Variants in RPL39L observed in about 807,000 individuals in gnomAD.
The protein encoded by RPL39L is ribosomal protein eL39-like 2.
For missense variants in RPL39L, 48 were observed against 58.9 expected (o/e 0.81, Z 0.61); for synonymous variants, 16 against 20.1 (o/e 0.80, Z 0.55).
At position 187,130,450 on chromosome 3, in the gene RPL39L, C is replaced by T. The variant is rs188881635; in HGVS notation, c.-92-2388G>A. On this transcript the variant is annotated intron_variant, in intron 1 of 2. Transcript: ENST00000296277. ...ATCCTTTGTGGCTTGGTGCTGCCGT[C>T]GTGACAGTGAGTTCTTGTGAGTCTG... Among the ~76,000 whole-genome samples the T allele has an allele frequency of 6.1e-3, 921 of 152,190 alleles. 11 individuals are homozygous for T. Among genetic ancestry groups the T allele is most frequent in the African/African-American group, 0.021 (867 of 41,506 alleles).
At chr3:187,133,196 G>A (rs1284616356) in intron 1 of RPL39L, among the ~76,000 whole-genome samples, 1 of 151,994 alleles carries the variant, frequency 6.6e-6, no homozygotes, top group African/African-American at 2.4e-5. Flanking sequence ...ATCTATTAGG[G>A]GAAGATATGG....
In RPL39L at chr3:187,126,042, C is replaced by T. The variant is rs767719448; in HGVS notation, c.-29+1957G>A. Among the ~76,000 whole-genome samples the T allele has an allele frequency of 2.4e-4, 36 of 152,180 alleles. 1 individual carries two copies. Among genetic ancestry groups the T allele is most frequent in the Admixed American group, 3.3e-4 (5 of 15,282 alleles). ...TAAAATATTTTTAAATATGGAACTC[C>T]GGGAATCTTTTAACAAAAAAGTTTT... On this transcript the variant is annotated intron_variant, in intron 2 of 2. Transcript: ENST00000296277.
Position 187,121,081 on chromosome 3 carries a change from A to C in RPL39L, c.*64T>G. Reference sequence around the variant, plus strand: ...AGGTAGTGGTGACATTTTCAGCTTGATATCGTAAGATGATCGTGAACTTGA... The same window carrying C: ...AGGTAGTGGTGACATTTTCAGCTTGCTATCGTAAGATGATCGTGAACTTGA... On this transcript the variant is annotated 3_prime_UTR_variant, in exon 3 of 3. Coordinates refer to ENST00000296277, the MANE Select transcript of RPL39L (RefSeq NM_052969.3). 6.4e-7 allele frequency: 1 copy of C among 1,567,502 alleles called. No individual in the cohort carries two copies. The highest frequency in any genetic ancestry group is 8.8e-7 in the Non-Finnish European group (1 of 1,142,722).
At chr3:187,138,663 G>T (rs936370265) in intron 1 of RPL39L, among the ~76,000 whole-genome samples, 15 of 152,182 alleles carry the variant, frequency 9.9e-5, no homozygotes, top group African/African-American at 3.6e-4. Context: ...GCTGACATCT[G>T]AAGAGGTGGC....
At chr3:187,131,852 G>A (rs1720489474) in intron 1 of RPL39L, among the ~76,000 whole-genome samples, 1 of 152,136 alleles carries the variant, frequency 6.6e-6, no homozygotes, top group African/African-American at 2.4e-5. Flanking sequence ...TACAGTTGTT[G>A]AAATTATAAA....
chr3:187,124,362 A>G (rs1243216381), intron 2 of RPL39L, among the ~76,000 whole-genome samples: 1 of 152,214 alleles, frequency 6.6e-6, no homozygotes, highest in East Asian at 1.9e-4. Flanking sequence ...TAGCCTATGC[A>G]AAGGCGAAGT....
At chr3:187,130,728 C>T (rs1159696695) in intron 1 of RPL39L, among the ~76,000 whole-genome samples, 5 of 152,228 alleles carry the variant, frequency 3.3e-5, no homozygotes, top group Non-Finnish European at 7.3e-5. Flanking sequence ...TGGCCTAACA[C>T]ATTCTCAATC....
chr3:187,125,474 C>A (rs1336638763), intron 2 of RPL39L, among the ~76,000 whole-genome samples: 1 of 152,142 alleles, frequency 6.6e-6, no homozygotes, highest in East Asian at 1.9e-4. Flanking sequence ...TAGCTCAGAA[C>A]TGGAGAGTTC....
chr3:187,128,723 T>A (rs1320220357), intron 1 of RPL39L, among the ~76,000 whole-genome samples: 1 of 152,234 alleles, frequency 6.6e-6, no homozygotes, highest in Non-Finnish European at 1.5e-5. Context: ...GCAGTAGCTG[T>A]CTATGCCTTG....
rs1215468050 is a variant in RPL39L at position 187,123,979 on chromosome 3, G to C, written c.-28-2651C>G. On this transcript the variant is annotated intron_variant, in intron 2 of 2. Transcript: ENST00000296277. Reference sequence around the variant, plus strand: ...AGAGATATCTGCTATCTGCATTGGAGACAGTGAAAGAACTGAAAGAACTGG... The same window carrying C: ...AGAGATATCTGCTATCTGCATTGGACACAGTGAAAGAACTGAAAGAACTGG... Among the ~76,000 whole-genome samples, 3 of 152,296 alleles carry C rather than the reference G, an allele frequency of 2.0e-5. No homozygotes were observed. In the East Asian group the frequency reaches 5.8e-4, roughly 29 times the overall value.
At chr3:187,132,814 A>C (rs1474488375) in intron 1 of RPL39L, among the ~76,000 whole-genome samples, 1 of 152,192 alleles carries the variant, frequency 6.6e-6, no homozygotes, top group Non-Finnish European at 1.5e-5. Flanking sequence ...ATGAGAACTA[A>C]AAGTCCCATA....
intron 2 of RPL39L, among the ~76,000 whole-genome samples, chr3:187,123,849 T>G (rs562022028): frequency 6.6e-6 from 1 of 152,234 alleles, no homozygotes; most frequent in Non-Finnish European, 1.5e-5. Context: ...TGGAGACACT[T>G]TGGGCTAGAA....
chr3:187,127,134 T>C (rs1282815280), intron 2 of RPL39L, among the ~76,000 whole-genome samples: 2 of 151,964 alleles, frequency 1.3e-5, no homozygotes, highest in African/African-American at 4.8e-5. Context: ...TATAAGAAAA[T>C]TGGAATCAAT....
chr3:187,129,180 G>A (rs1194891358), intron 1 of RPL39L, among the ~76,000 whole-genome samples: 13 of 152,220 alleles, frequency 8.5e-5, no homozygotes, highest in Admixed American at 8.5e-4. Context: ...TTAATACACT[G>A]CAATTTCAAG....
intron 2 of RPL39L, among the ~76,000 whole-genome samples, chr3:187,121,995 T>C (rs1452474522): frequency 1.3e-5 from 2 of 152,196 alleles, no homozygotes; most frequent in Non-Finnish European, 2.9e-5. Flanking sequence ...AATAGAAACC[T>C]ATAAAACAAG....
chr3:187,124,814 T>C (rs1379976884), intron 2 of RPL39L, among the ~76,000 whole-genome samples: 1 of 152,216 alleles, frequency 6.6e-6, no homozygotes, highest in Non-Finnish European at 1.5e-5. Context: ...TATTAAATGG[T>C]TAGACCACTT....
At chr3:187,138,964 C>A (rs1266035928) in intron 1 of RPL39L, among the ~76,000 whole-genome samples, 3 of 152,114 alleles carry the variant, frequency 2.0e-5, no homozygotes, top group South Asian at 4.1e-4. Context: ...GAGGCTAAGG[C>A]GGGAGAATCG....
At chr3:187,123,214 C>G (rs183541872) in intron 2 of RPL39L, among the ~76,000 whole-genome samples, 186 of 152,230 alleles carry the variant, frequency 1.2e-3, no homozygotes, top group Non-Finnish European at 1.4e-3. Flanking sequence ...ACTTTATGTG[C>G]AAGTAACAGA....
intron 1 of RPL39L, among the ~76,000 whole-genome samples, chr3:187,130,859 A>C (rs573123669): frequency 1.5e-3 from 232 of 152,246 alleles, no homozygotes; most frequent in African/African-American, 5.4e-3. Flanking sequence ...TGTTCTTACA[A>C]GTTTTTTTCT....
Sources: allele counts gnomAD v4.1 joint callset (sites outside exome capture counted in the v4.1 genomes callset), GRCh38; gene constraint gnomAD v4.1.1; transcripts MANE v1.5; gene names NCBI Gene and HGNC (gene_info 2026-07-23, HGNC 2026-07-21).